Variants in TMEM229B observed in about 807,000 individuals in gnomAD.
The protein encoded by TMEM229B is transmembrane protein 229B, also known as chromosome 14 open reading frame 83.
In TMEM229B, 6 loss-of-function variants were observed where a neutral mutation model predicts 13.7. That is an observed-to-expected ratio of 0.44 (90% CI 0.24 to 0.86). TMEM229B has a LOEUF of 0.86. Ranked by LOEUF, TMEM229B falls within the 40% of genes least tolerant of loss-of-function variation. The pLI is 0.23. For synonymous variants in TMEM229B, 107 were observed against 102.1 expected, an observed-to-expected ratio of 1.05 and a Z score of -0.29; for missense variants, 170 against 236.0, an observed-to-expected ratio of 0.72 and a Z score of 1.83.
At chr14:67,522,127 C>T (rs954580976) in intron 1 of TMEM229B, among the ~76,000 whole-genome samples, 1 of 152,118 alleles carries the variant, frequency 6.6e-6, no homozygotes, top group Non-Finnish European at 1.5e-5. Flanking sequence ...GAGCTGAGAT[C>T]GTGCCACTGC....
intron 1 of TMEM229B, among the ~76,000 whole-genome samples, chr14:67,508,415 C>G (rs1443638259): frequency 6.6e-6 from 1 of 151,966 alleles, no homozygotes; most frequent in African/African-American, 2.4e-5. Context: ...AAACTAAAAG[C>G]CAAAAAACTT....
chr14:67,497,760 A>G (rs536222962), intron 1 of TMEM229B, among the ~76,000 whole-genome samples: 1 of 152,072 alleles, frequency 6.6e-6, no homozygotes, highest in Admixed American at 6.6e-5. Context: ...CATTTTGGAA[A>G]GTCACGTCAA....
At chr14:67,524,190 C>T (rs1230527919) in intron 1 of TMEM229B, among the ~76,000 whole-genome samples, 1 of 152,108 alleles carries the variant, frequency 6.6e-6, no homozygotes, top group Non-Finnish European at 1.5e-5. Context: ...TTCCCGGGCT[C>T]AATCTTCCCG....
At chr14:67,509,780 G>A (rs563005194) in intron 1 of TMEM229B, among the ~76,000 whole-genome samples, 1 of 152,308 alleles carries the variant, frequency 6.6e-6, no homozygotes, top group East Asian at 1.9e-4. Context: ...GCTGAGGCAG[G>A]AGGATTGCTT....
At chr14:67,477,137 G>A (rs2031258615) in intron 2 of TMEM229B, among the ~76,000 whole-genome samples, 1 of 149,084 alleles carries the variant, frequency 6.7e-6, no homozygotes, top group Non-Finnish European at 1.5e-5. Context: ...TTGCACTCCA[G>A]CCTGGACAAC....
chr14:67,490,812 T>A (rs1334606080), upstream of TMEM229B, among the ~76,000 whole-genome samples: 1 of 151,692 alleles, frequency 6.6e-6, no homozygotes, highest in African/African-American at 2.4e-5. Context: ...TCCCCAAATC[T>A]CCCTGTAAAG....
intron 1 of TMEM229B, among the ~76,000 whole-genome samples, chr14:67,514,088 G>A (rs936904891): frequency 5.3e-5 from 8 of 152,170 alleles, no homozygotes; most frequent in African/African-American, 1.4e-4. Context: ...GAGAACACAT[G>A]AGAATTGGTG....
chr14:67,490,753 G>C (rs1210928721), upstream of TMEM229B, among the ~76,000 whole-genome samples: 1 of 151,982 alleles, frequency 6.6e-6, no homozygotes, highest in East Asian at 1.9e-4. Flanking sequence ...AAGCATGCAG[G>C]CAAATACTAC....
chr14:67,483,710 AC>A (rs1351068635), intron 2 of TMEM229B, among the ~76,000 whole-genome samples: 3 of 152,024 alleles, frequency 2.0e-5, no homozygotes, highest in Non-Finnish European at 2.9e-5. Context: ...GACACACACA[AC>A]CCAGAGGCCC....
At chr14:67,479,183 G>C (rs1285670800) in intron 2 of TMEM229B, among the ~76,000 whole-genome samples, 1 of 151,978 alleles carries the variant, frequency 6.6e-6, no homozygotes, top group African/African-American at 2.4e-5. Flanking sequence ...TGAGGTGGGT[G>C]GATCATGAGG....
intron 1 of TMEM229B, among the ~76,000 whole-genome samples, chr14:67,513,671 A>G (rs2033101279): frequency 6.6e-6 from 1 of 152,216 alleles, no homozygotes; most frequent in African/African-American, 2.4e-5. Flanking sequence ...ACCTACTTGT[A>G]TCCTTGTATC....
rs757183130 is a variant in TMEM229B at position 67,508,753 on chromosome 14, C to CAAAAAAAAA, written c.-192+6324_-192+6332dup. 3.4e-4 allele frequency among the ~76,000 whole-genome samples: 16 copies of CAAAAAAAAA among 46,702 alleles called. 2 individuals carry two copies. The highest frequency in any genetic ancestry group is 5.2e-4 in the Non-Finnish European group (11 of 21,306). The allele number at this position is 46,702 out of a possible 152,430, so 30.6% of individuals were successfully genotyped here. A position where few individuals can be genotyped will look rare whatever the true frequency, so the allele number is the denominator to read the frequency against. On this transcript the variant is annotated intron_variant, in intron 1 of 2. Coordinates refer to the TMEM229B transcript ENST00000357461. ...TGGGTGACAGAGCAAAACCTTGTCTCAAAAAAAAAAAAAAAAAACAGAAGA... is the reference window on the plus strand; with the variant it reads ...TGGGTGACAGAGCAAAACCTTGTCTCAAAAAAAAAAAAAAAAAAAAAAAAAAACAGAAGA...
chr14:67,501,633 TC>T (rs2032614931), intron 1 of TMEM229B, among the ~76,000 whole-genome samples: 1 of 152,144 alleles, frequency 6.6e-6, no homozygotes, highest in South Asian at 2.1e-4. Flanking sequence ...TGAGGCAGGG[TC>T]CCAGGTGAGG....
At chr14:67,501,775 A>C (rs2032621113) in intron 1 of TMEM229B, among the ~76,000 whole-genome samples, 1 of 152,208 alleles carries the variant, frequency 6.6e-6, no homozygotes, top group East Asian at 1.9e-4. Flanking sequence ...AAGATTTTTT[A>C]AAAGGTAATG....
chr14:67,489,505 C>A (rs1351125015), upstream of TMEM229B, among the ~76,000 whole-genome samples: 1 of 152,140 alleles, frequency 6.6e-6, no homozygotes, highest in Non-Finnish European at 1.5e-5. Flanking sequence ...AAGCAGAGAC[C>A]ACCGGCCTGT....
intron 1 of TMEM229B, among the ~76,000 whole-genome samples, chr14:67,521,083 G>A (rs2033284944): frequency 6.6e-6 from 1 of 152,202 alleles, no homozygotes; most frequent in South Asian, 2.1e-4. Context: ...AAACAGGTAA[G>A]CCTCAAGAAA....
chr14:67,516,100 G>A (rs977836129), upstream of TMEM229B, among the ~76,000 whole-genome samples: 5 of 152,300 alleles, frequency 3.3e-5, no homozygotes, highest in South Asian at 2.1e-4. Context: ...GTAGGAAATC[G>A]GCAGCTGAGG....
chr14:67,520,588 A>C (rs1324467388), intron 1 of TMEM229B, among the ~76,000 whole-genome samples: 2 of 152,250 alleles, frequency 1.3e-5, no homozygotes, highest in Non-Finnish European at 2.9e-5. Context: ...TCACCTACTG[A>C]AGGAAATCTT....
At chr14:67,511,775 A>G (rs2033034751) in intron 1 of TMEM229B, among the ~76,000 whole-genome samples, 1 of 152,226 alleles carries the variant, frequency 6.6e-6, no homozygotes, top group African/African-American at 2.4e-5. Flanking sequence ...TGTTAAAATG[A>G]GCATGAAGTA....
Sources: gnomAD v4.1 joint callset for allele counts (sites outside exome capture counted in the v4.1 genomes callset) on GRCh38, gnomAD v4.1.1 for gene constraint, MANE v1.5 for transcripts, NCBI Gene and HGNC (gene_info 2026-07-23, HGNC 2026-07-21) for gene names.